The following RNF111 variants were observed in gnomAD, a reference collection of about 807,000 sequenced individuals.
RNF111 encodes the protein E3 ubiquitin-protein ligase Arkadia.
Under a neutral mutation model 95.1 loss-of-function variants are expected in RNF111, and 17 were observed. The observed-to-expected ratio is 0.18, with a 90% CI of 0.12 to 0.27. RNF111 has a LOEUF of 0.27. Among genes scored for constraint, RNF111 ranks in the 10% least tolerant of loss-of-function variants. The probability of loss-of-function intolerance (pLI) is 1.00; values close to 1 mark genes in which losing one functional copy is unlikely to be tolerated. For missense variants in RNF111, 1,189 were observed against 1,210.4 expected (o/e 0.98, Z 0.26); for synonymous variants, 440 against 414.8 (o/e 1.06, Z -0.74).
At chr15:59,012,544 A>G (rs1445547314) in intron 1 of RNF111, among the ~76,000 whole-genome samples, 1 of 152,164 alleles carries the variant, frequency 6.6e-6, no homozygotes, top group Non-Finnish European at 1.5e-5. Context: ...TTAACACAAG[A>G]AATGTGTTTA....
rs749695120 is a variant in RNF111 at position 59,084,089 on chromosome 15, C to G, written c.2298-40C>G. On this transcript the variant is annotated intron_variant, in intron 8 of 13. Coordinates refer to ENST00000348370, the MANE Select transcript of RNF111 (RefSeq NM_017610.8). Reference sequence around the variant, plus strand: ...TTAAGAAAAGAAATAACCAATTATTCAATTATTTCCAGTGGTCTTTTTGTG... The same window carrying G: ...TTAAGAAAAGAAATAACCAATTATTGAATTATTTCCAGTGGTCTTTTTGTG... 3.9e-6 allele frequency: 6 copies of G among 1,522,728 alleles called. No homozygotes were observed. The East Asian group carries it at 1.2e-4, about 31-fold the overall frequency. The allele number at this position is 1,522,728 out of a possible 1,614,324, so 94.3% of individuals were successfully genotyped here.
chr15:59,056,560 G>T (rs1196651987), intron 4 of RNF111, among the ~76,000 whole-genome samples: 1 of 152,108 alleles, frequency 6.6e-6, no homozygotes, highest in African/African-American at 2.4e-5. Flanking sequence ...CTATAAATTG[G>T]GCAAAGAATA....
chr15:59,093,361 T>TTCC (rs1555403300), intron 13 of RNF111: 2 of 367,652 alleles, frequency 5.4e-6, no homozygotes, highest in East Asian at 1.8e-4. Context: ...TTTTTTTTTT[T>TTCC]CCTTTTCTGG....
intron 1 of RNF111, among the ~76,000 whole-genome samples, chr15:58,989,446 T>C (rs1220724837): frequency 2.6e-5 from 4 of 152,206 alleles, no homozygotes; most frequent in Non-Finnish European, 5.9e-5. Flanking sequence ...GGTGAGGGTG[T>C]TTATAAATCT....
At chr15:59,032,927 A>G (rs1158755275) in intron 2 of RNF111, among the ~76,000 whole-genome samples, 4 of 152,154 alleles carry the variant, frequency 2.6e-5, no homozygotes, top group African/African-American at 9.7e-5. Flanking sequence ...TAAATGTGAT[A>G]TTTAAGTAGA....
intron 2 of RNF111, among the ~76,000 whole-genome samples, chr15:59,042,283 C>T (rs1435678531): frequency 2.6e-5 from 4 of 151,988 alleles, no homozygotes; most frequent in East Asian, 3.9e-4. Flanking sequence ...CACACCCCCA[C>T]GCCTGGCTAA....
chr15:58,998,750 G>A (rs944522524), intron 1 of RNF111, among the ~76,000 whole-genome samples: 3 of 152,156 alleles, frequency 2.0e-5, no homozygotes, highest in African/African-American at 7.2e-5. Flanking sequence ...TGTGGAAAAC[G>A]CCTATCAGTC....
rs114488646 is a variant in RNF111, at chr15:58,998,430, G to A, written c.-20+10362G>A. Among the ~76,000 whole-genome samples, 695 of 152,240 alleles carry A rather than the reference G, an allele frequency of 4.6e-3. 5 individuals carry two copies. The highest frequency in any genetic ancestry group is 0.041 in the Middle Eastern group (12 of 294). ...TCCACACTCTGAAAGATTACAGTGA[G>A]TGTTCTTCCCCTCATTGTGTCCGTA... On this transcript the variant is annotated intron_variant, in intron 1 of 13. Transcript: ENST00000348370.
chr15:59,077,421 T>C (rs1426988773), intron 7 of RNF111, among the ~76,000 whole-genome samples: 1 of 152,246 alleles, frequency 6.6e-6, no homozygotes, highest in Admixed American at 6.5e-5. Flanking sequence ...CACAGCTTAC[T>C]AATCTTAATA....
intron 2 of RNF111, among the ~76,000 whole-genome samples, chr15:59,042,249 C>G (rs1415456117): frequency 6.6e-6 from 1 of 152,032 alleles, no homozygotes; most frequent in Non-Finnish European, 1.5e-5. Context: ...ACCTCAGCCT[C>G]CTGAGTAGCT....
chr15:59,006,216 T>C (rs2039533953), intron 1 of RNF111, among the ~76,000 whole-genome samples: 1 of 152,236 alleles, frequency 6.6e-6, no homozygotes, highest in Non-Finnish European at 1.5e-5. Flanking sequence ...GTTTGATGTA[T>C]AATTTATATA....
At chr15:59,042,388 G>A (rs2041508865) in intron 2 of RNF111, among the ~76,000 whole-genome samples, 1 of 152,058 alleles carries the variant, frequency 6.6e-6, no homozygotes, top group South Asian at 2.1e-4. Context: ...GGCCTCACAA[G>A]GTGCTGGGAT....
intron 1 of RNF111, among the ~76,000 whole-genome samples, chr15:59,011,335 A>G (rs1177425092): frequency 6.6e-6 from 1 of 152,208 alleles, no homozygotes; most frequent in East Asian, 1.9e-4. Context: ...ATTTCTCACT[A>G]ACTGCTAGAC....
intron 1 of RNF111, among the ~76,000 whole-genome samples, chr15:59,025,211 A>G (rs919310760): frequency 2.0e-5 from 3 of 152,170 alleles, no homozygotes; most frequent in African/African-American, 7.2e-5. Flanking sequence ...TTATAGTTTC[A>G]TAGCAGTTAT....
chr15:59,066,284 T>C (rs1020938470), intron 5 of RNF111, among the ~76,000 whole-genome samples: 1 of 152,190 alleles, frequency 6.6e-6, no homozygotes, highest in East Asian at 1.9e-4. Context: ...TGAAGACCAC[T>C]GCATAAAATC....
chr15:59,031,091 T>C lies in RNF111; in HGVS notation c.269T>C (p.Val90Ala), dbSNP rs765877108. 1 of 1,614,152 alleles carries C rather than the reference T, an allele frequency of 6.2e-7. No homozygotes were observed. The highest frequency in any genetic ancestry group is 2.2e-5 in the East Asian group (1 of 44,890). Reference protein sequence around the residue: ...GNQQEQEKSLVVRKKRKSQQA... With the variant: ...GNQQEQEKSLAVRKKRKSQQA... ...CAGCAAGAACAAGAAAAAAGTCTCG[T>C]TGTGAGGAAAAAACGCAAAAGCCAG... The change falls in exon 2 of 14, where the codon GTT becomes GCT. Residue 90 changes from valine (V) to alanine (A), a missense_variant. This residue lies in a region of RNF111 where 1,024 missense variants were observed against 925.9 expected (regional missense o/e 1.11). Transcript: ENST00000348370.
At chr15:59,086,541 A>G (rs2078905880) in intron 10 of RNF111, among the ~76,000 whole-genome samples, 1 of 152,246 alleles carries the variant, frequency 6.6e-6, no homozygotes. Context: ...TGTTTGTATT[A>G]CATACTTGTT....
intron 1 of RNF111, among the ~76,000 whole-genome samples, chr15:59,020,370 C>T (rs1033092658): frequency 2.0e-5 from 3 of 151,748 alleles, no homozygotes; most frequent in African/African-American, 7.3e-5. Context: ...GCTTCCTTAC[C>T]AGAAATATTA....
At chr15:59,019,226 A>G (rs371077410) in intron 1 of RNF111, among the ~76,000 whole-genome samples, 24 of 151,008 alleles carry the variant, frequency 1.6e-4, no homozygotes, top group African/African-American at 5.6e-4. Context: ...GGTGTGATCC[A>G]TTTATTTATT....
Sources: gnomAD v4.1 joint callset for allele counts (sites outside exome capture counted in the v4.1 genomes callset) on GRCh38, gnomAD v4.1.1 for gene constraint, gnomAD v4.1.1 regional missense constraint, MANE v1.5 for transcripts, NCBI Gene and HGNC (gene_info 2026-07-23, HGNC 2026-07-21) for gene names.